VGLL4: variants seen among roughly 807,000 people sequenced by gnomAD.
The protein encoded by VGLL4 is transcription cofactor vestigial-like protein 4.
A neutral mutation model predicts 21.0 loss-of-function variants in VGLL4; 7 were observed. That is an observed-to-expected ratio of 0.33 (90% CI 0.19 to 0.63). The LOEUF is 0.63. Among genes scored for constraint, VGLL4 ranks in the 20% least tolerant of loss-of-function variants. The probability of loss-of-function intolerance (pLI) is 0.78; values close to 1 mark genes in which losing one functional copy is unlikely to be tolerated. For synonymous variants in VGLL4, 222 were observed against 173.2 expected, an observed-to-expected ratio of 1.28 and a Z score of -2.21; for missense variants, 394 against 425.7, an observed-to-expected ratio of 0.93 and a Z score of 0.66.
chr3:11,590,708 GTGTTT>G (rs2074474536), intron 2 of VGLL4, among the ~76,000 whole-genome samples: 1 of 141,434 alleles, frequency 7.1e-6, no homozygotes, highest in South Asian at 2.3e-4. Context: ...GTGTGTGTGT[GTGTTT>G]TAACCCATAG....
chr3:11,718,306 G>A (rs1369138813), intron 1 of VGLL4, among the ~76,000 whole-genome samples: 1 of 152,232 alleles, frequency 6.6e-6, no homozygotes, highest in Non-Finnish European at 1.5e-5. Context: ...TGTAAGACAA[G>A]AAACTTCTGA....
chr3:11,639,379 G>A (rs1223667332), intron 1 of VGLL4, among the ~76,000 whole-genome samples: 2 of 152,252 alleles, frequency 1.3e-5, no homozygotes, highest in Admixed American at 1.3e-4. Context: ...CAGCGAGGCC[G>A]GTCACTCAGA....
chr3:11,632,573 C>T (rs2075506104), intron 1 of VGLL4, among the ~76,000 whole-genome samples: 1 of 152,170 alleles, frequency 6.6e-6, no homozygotes, highest in African/African-American at 2.4e-5. Context: ...CCTTAATGTA[C>T]TTTAAAATCC....
chr3:11,590,182 G>C (rs1425877668), intron 2 of VGLL4, among the ~76,000 whole-genome samples: 2 of 152,178 alleles, frequency 1.3e-5, no homozygotes, highest in Non-Finnish European at 2.9e-5. Flanking sequence ...GTGGCGAGGG[G>C]TGTCACTCCA....
chr3:11,618,093 C>A (rs973249707), intron 1 of VGLL4, among the ~76,000 whole-genome samples: 1 of 152,078 alleles, frequency 6.6e-6, no homozygotes, highest in African/African-American at 2.4e-5. Context: ...ATAATGCATA[C>A]TTATAGAGGG....
chr3:11,702,479 A>G (rs2125404716), intron 2 of VGLL4, among the ~76,000 whole-genome samples: 1 of 127,410 alleles, frequency 7.8e-6, no homozygotes, highest in Admixed American at 8.1e-5. Flanking sequence ...AAAAAAAAAA[A>G]TTAGCTGGGC....
chr3:11,561,616 C>A (rs138256022), intron 3 of VGLL4, among the ~76,000 whole-genome samples: 1 of 152,172 alleles, frequency 6.6e-6, no homozygotes. Context: ...CCACCTAGAA[C>A]GGGCCCCAGG....
At chr3:11,667,485 A>G (rs1232358671) in intron 2 of VGLL4, among the ~76,000 whole-genome samples, 1 of 152,194 alleles carries the variant, frequency 6.6e-6, no homozygotes, top group African/African-American at 2.4e-5. Context: ...ATGATCATTT[A>G]TCATATACCA....
At chr3:11,696,543 G>A (rs2076609389) in intron 2 of VGLL4, among the ~76,000 whole-genome samples, 1 of 152,164 alleles carries the variant, frequency 6.6e-6, no homozygotes, top group South Asian at 2.1e-4. Context: ...GAGGAGCCAG[G>A]AGTAAAGTTT....
intron 2 of VGLL4, among the ~76,000 whole-genome samples, chr3:11,586,487 G>A (rs1049058555): frequency 6.6e-6 from 1 of 152,150 alleles, no homozygotes; most frequent in Non-Finnish European, 1.5e-5. Context: ...AGATTCAACC[G>A]ATCATGGATG....
rs374198408 is a variant in VGLL4 at position 11,698,163 on chromosome 3, C to G, written c.64+4808G>C. Among the ~76,000 whole-genome samples, 63 of 152,218 alleles carry G rather than the reference C, an allele frequency of 4.1e-4. No homozygotes were observed. In the Middle Eastern group the frequency reaches 0.017, roughly 41 times the overall value. On this transcript the variant is annotated intron_variant, in intron 2 of 5. Coordinates refer to the VGLL4 transcript ENST00000273038. ...CAAGGTGTTGTTTTATACATTAGCA[C>G]CAAGCACCTTGCCCTCCCATTTTCA...
chr3:11,595,842 G>T (rs867475336), intron 2 of VGLL4, among the ~76,000 whole-genome samples: 3 of 19,112 alleles, frequency 1.6e-4, no homozygotes, highest in South Asian at 8.7e-4. Flanking sequence ...GTTGTGGTGT[G>T]GGGGGGGCGG....
At chr3:11,642,990 A>T (rs2075725629) in intron 1 of VGLL4, among the ~76,000 whole-genome samples, 1 of 152,102 alleles carries the variant, frequency 6.6e-6, no homozygotes, top group African/African-American at 2.4e-5. Context: ...AACTCGCTGT[A>T]ACTTTGGCTC....
At chr3:11,626,367 G>A (rs2075352550) in intron 1 of VGLL4, 1 of 456,776 alleles carries the variant, frequency 2.2e-6, no homozygotes, top group Non-Finnish European at 4.4e-6. Context: ...CTGTGTGGGT[G>A]GAAATGTATC....
chr3:11,686,022 T>TA (rs1340843084), intron 2 of VGLL4, among the ~76,000 whole-genome samples: 1 of 152,140 alleles, frequency 6.6e-6, no homozygotes, highest in African/African-American at 2.4e-5. Flanking sequence ...AGCTACTATT[T>TA]AAAAAACAAA....
At chr3:11,573,417 A>C (rs2073936955) in intron 2 of VGLL4, among the ~76,000 whole-genome samples, 1 of 152,018 alleles carries the variant, frequency 6.6e-6, no homozygotes, top group Non-Finnish European at 1.5e-5. Flanking sequence ...ATAGTGCTTA[A>C]GTCCTCAGAC....
intron 2 of VGLL4, among the ~76,000 whole-genome samples, chr3:11,687,293 TTGAC>T (rs1400828687): frequency 2.0e-5 from 3 of 152,212 alleles, no homozygotes; most frequent in Non-Finnish European, 4.4e-5. Flanking sequence ...ACTGACATCT[TTGAC>T]TGAATTTTCC....
At chr3:11,637,610 A>G (rs1196437720) in intron 1 of VGLL4, among the ~76,000 whole-genome samples, 1 of 152,264 alleles carries the variant, frequency 6.6e-6, no homozygotes, top group South Asian at 2.1e-4. Flanking sequence ...AACATTCTAT[A>G]CATAATACCT....
At chr3:11,677,136 A>G (rs1034395011) in intron 2 of VGLL4, among the ~76,000 whole-genome samples, 1 of 152,178 alleles carries the variant, frequency 6.6e-6, no homozygotes, top group South Asian at 2.1e-4. Flanking sequence ...ATCACTGTGC[A>G]AATCTCAGAT....
Sources: allele counts gnomAD v4.1 joint callset (sites outside exome capture counted in the v4.1 genomes callset), GRCh38; gene constraint gnomAD v4.1.1; transcripts MANE v1.5; gene names NCBI Gene and HGNC (gene_info 2026-07-23, HGNC 2026-07-21).